KCNT2: variants seen among roughly 807,000 people sequenced by gnomAD.
KCNT2 encodes the protein potassium sodium-activated channel subfamily T member 2.
In KCNT2, 67 loss-of-function variants were observed where a neutral mutation model predicts 153.8. The observed-to-expected ratio is 0.44, with a 90% CI of 0.36 to 0.53. The LOEUF (loss-of-function observed/expected upper bound fraction) is 0.53. Among genes scored for constraint, KCNT2 ranks in the 20% least tolerant of loss-of-function variants. The pLI, the probability that KCNT2 is intolerant of heterozygous loss-of-function variation, is 0.00. For synonymous variants in KCNT2, 500 were observed against 458.8 expected, an observed-to-expected ratio of 1.09 and a Z score of -1.15; for missense variants, 975 against 1,354.8, an observed-to-expected ratio of 0.72 and a Z score of 4.40.
chr1:196,544,190 A>C (rs1397373319), intron 1 of KCNT2, among the ~76,000 whole-genome samples: 1 of 152,150 alleles, frequency 6.6e-6, no homozygotes, highest in East Asian at 1.9e-4. Context: ...TTTTAAAATC[A>C]CAAGAAAACT....
At chr1:196,427,997 G>T in intron 10 of KCNT2, 108 bp downstream of exon 10, 1 of 738,530 alleles carries the variant, frequency 1.4e-6, no homozygotes, top group Non-Finnish European at 2.2e-6. Flanking sequence ...ATATTTGGTT[G>T]TATAAATAAA....
chr1:196,603,201 T>A (rs1194817814), intron 1 of KCNT2, among the ~76,000 whole-genome samples: 1 of 152,208 alleles, frequency 6.6e-6, no homozygotes. Flanking sequence ...TTGTCTAAAC[T>A]CTCTTTCTAA....
chr1:196,570,094 A>G (rs1660602108), intron 1 of KCNT2, among the ~76,000 whole-genome samples: 2 of 110,028 alleles, frequency 1.8e-5, no homozygotes, highest in Non-Finnish European at 4.1e-5. Flanking sequence ...AAAAAAAAAA[A>G]AAAATTAAAG....
chr1:196,559,072 A>G (rs983128833), intron 1 of KCNT2, among the ~76,000 whole-genome samples: 1 of 151,382 alleles, frequency 6.6e-6, no homozygotes, highest in Non-Finnish European at 1.5e-5. Flanking sequence ...AAAAAAAAAA[A>G]TCACTGAATA....
At chr1:196,376,394 T>C (rs1668970396) in intron 13 of KCNT2, among the ~76,000 whole-genome samples, 1 of 151,986 alleles carries the variant, frequency 6.6e-6, no homozygotes, top group Non-Finnish European at 1.5e-5. Flanking sequence ...TGAATATTTA[T>C]ACTAAGTAGA....
rs531446803 is a variant in KCNT2, at chr1:196,460,910, T to C, written c.638+4383A>G. On this transcript the variant is annotated intron_variant, in intron 8 of 27. Coordinates refer to ENST00000294725, the MANE Select transcript of KCNT2 (RefSeq NM_198503.5). ...TTATTTTGTTTTCAAAAATTATACA[T>C]AGCCATTATGAAAATTTAAACCATA... Among the ~76,000 whole-genome samples the C allele has an allele frequency of 1.2e-4, 18 of 151,906 alleles. No individual in the cohort carries two copies. In the East Asian group the frequency reaches 3.5e-3, roughly 30 times the overall value.
intron 14 of KCNT2, among the ~76,000 whole-genome samples, chr1:196,361,184 G>T (rs998650640): frequency 2.6e-5 from 4 of 151,424 alleles, no homozygotes; most frequent in Non-Finnish European, 5.9e-5. Flanking sequence ...CACAAGCAAC[G>T]CCCTCTCCAA....
At chr1:196,323,016 A>G (rs961672607) in intron 19 of KCNT2, among the ~76,000 whole-genome samples, 6 of 152,032 alleles carry the variant, frequency 3.9e-5, no homozygotes, top group Non-Finnish European at 7.4e-5. Context: ...TATATACATT[A>G]TCTACATCAT....
intron 1 of KCNT2, among the ~76,000 whole-genome samples, chr1:196,537,428 G>A (rs1655735384): frequency 6.6e-6 from 1 of 152,154 alleles, no homozygotes; most frequent in South Asian, 2.1e-4. Context: ...CGGCACAGCT[G>A]CCAAGCCATG....
In KCNT2 at chr1:196,319,536, C is replaced by A; in HGVS notation, c.2296G>T (p.Asp766Tyr). ...LDNPPDMHFL[D>Y]AICWFPMVYY... ...ACCATTGGAAACCAACAGATTGCAT[C>A]CAGAAAATGCATATCTGGCCTAAGT... Residue 766 changes from aspartate to tyrosine, a missense_variant, in exon 20 of 28, where the codon GAT becomes TAT. By Grantham distance (160) the Asp-to-Tyr change is radical (BLOSUM62 -3). Transcript: ENST00000294725. The A allele has an allele frequency of 6.2e-7, 1 of 1,609,134 alleles. No individual in the cohort carries two copies. Among genetic ancestry groups the A allele is most frequent in the Non-Finnish European group, 8.5e-7 (1 of 1,176,686 alleles).
intron 1 of KCNT2, among the ~76,000 whole-genome samples, chr1:196,578,298 A>G (rs1661611288): frequency 6.6e-6 from 1 of 152,142 alleles, no homozygotes; most frequent in South Asian, 2.1e-4. Flanking sequence ...GTTAGATAGC[A>G]CAGAAAGACA....
chr1:196,600,206 G>A (rs1295924317), intron 1 of KCNT2, among the ~76,000 whole-genome samples: 1 of 152,100 alleles, frequency 6.6e-6, no homozygotes, highest in African/African-American at 2.4e-5. Flanking sequence ...GGCCTCCATG[G>A]AGCCTAGTTT....
At chr1:196,340,851 T>G (rs1220414233) in intron 15 of KCNT2, among the ~76,000 whole-genome samples, 2 of 151,952 alleles carry the variant, frequency 1.3e-5, no homozygotes, top group Non-Finnish European at 2.9e-5. Flanking sequence ...TGCGAATTTT[T>G]ACAACAATTT....
chr1:196,526,611 C>A (rs1317773462), intron 1 of KCNT2, among the ~76,000 whole-genome samples: 1 of 152,054 alleles, frequency 6.6e-6, no homozygotes, highest in African/African-American at 2.4e-5. Context: ...CGCTGCCACA[C>A]CCAGCTAATT....
At chr1:196,381,462 T>TTA (rs755200034) in intron 13 of KCNT2, among the ~76,000 whole-genome samples, 3,048 of 151,548 alleles carry the variant, frequency 0.02, 94 homozygotes, top group African/African-American at 0.069. Context: ...TCATGCTAAG[T>TTA]TATATATATA....
chr1:196,393,548 T>C, intron 13 of KCNT2, among the ~76,000 whole-genome samples: 1 of 151,684 alleles, frequency 6.6e-6, no homozygotes, highest in East Asian at 1.9e-4. Context: ...GAAGAAGTTA[T>C]CCTCCTAGTA....
At chr1:196,363,175 G>T (rs993902776) in intron 14 of KCNT2, among the ~76,000 whole-genome samples, 3 of 151,922 alleles carry the variant, frequency 2.0e-5, no homozygotes, top group African/African-American at 7.2e-5. Context: ...TATTAGTATG[G>T]ACTACTGGAT....
chr1:196,446,272 T>C (rs1675679162), intron 8 of KCNT2, among the ~76,000 whole-genome samples: 1 of 151,510 alleles, frequency 6.6e-6, no homozygotes. Flanking sequence ...CTATTCTCTA[T>C]ACTTTTTCAC....
At chr1:196,552,775 T>C (rs1414669844) in intron 1 of KCNT2, among the ~76,000 whole-genome samples, 1 of 151,336 alleles carries the variant, frequency 6.6e-6, no homozygotes, top group Non-Finnish European at 1.5e-5. Flanking sequence ...CAGGGAAATA[T>C]AGTTAAAGTG....
Sources: allele counts gnomAD v4.1 joint callset (sites outside exome capture counted in the v4.1 genomes callset), GRCh38; gene constraint gnomAD v4.1.1; transcripts MANE v1.5; gene names NCBI Gene and HGNC (gene_info 2026-07-23, HGNC 2026-07-21).